The following SIK2 variants were observed in gnomAD, a reference collection of about 807,000 sequenced individuals.
SIK2 encodes the protein salt inducible kinase 2.
Under a neutral mutation model 103.2 loss-of-function variants are expected in SIK2, and 29 were observed. The observed-to-expected ratio is 0.28, with a 90% confidence interval of 0.21 to 0.38. The LOEUF (loss-of-function observed/expected upper bound fraction) is 0.38. SIK2 is among the 10% of genes least tolerant of loss of function. SIK2 has a pLI of 1.00. For synonymous variants in SIK2, 412 were observed against 446.1 expected (o/e 0.92, Z 0.96); for missense variants, 879 against 1,171.0 (o/e 0.75, Z 3.64).
chr11:111,634,866 G>A (rs926872406), intron 3 of SIK2, among the ~76,000 whole-genome samples: 18 of 152,214 alleles, frequency 1.2e-4, no homozygotes, highest in African/African-American at 4.1e-4. Context: ...TGCTTCACAT[G>A]TGTGAGGATG....
intron 13 of SIK2, 40 bp downstream of exon 13, chr11:111,721,980 T>C: frequency 6.9e-7 from 1 of 1,456,252 alleles, no homozygotes; most frequent in Non-Finnish European, 9.3e-7. Flanking sequence ...ACTCTGCTCA[T>C]CCAGAATCTG....
Position 111,637,523 on chromosome 11 carries a change from A to G in SIK2, c.316+17121A>G, listed in dbSNP as rs183276824. On this transcript the variant is annotated intron_variant, in intron 3 of 14. Coordinates refer to ENST00000304987, the MANE Select transcript of SIK2 (RefSeq NM_015191.3). The stretch of plus-strand genomic sequence containing the variant: ...CACCCAGGCTGGAGTGCGGTGGCAC[A>G]ATCTTGGCTCATTGCAACCTCTGCC... 1.6e-3 allele frequency among the ~76,000 whole-genome samples: 241 copies of G among 147,560 alleles called. 3 individuals carry two copies. Among genetic ancestry groups the G allele is most frequent in the African/African-American group, 5.7e-3 (223 of 39,246 alleles).
intron 3 of SIK2, among the ~76,000 whole-genome samples, chr11:111,664,873 C>T (rs187053879): frequency 3.4e-4 from 51 of 152,230 alleles, no homozygotes; most frequent in Admixed American, 2.6e-4. Flanking sequence ...TTTTCCTTTT[C>T]CCCTATTAGC....
At chr11:111,664,463 A>G (rs1161079719) in intron 3 of SIK2, among the ~76,000 whole-genome samples, 2 of 152,156 alleles carry the variant, frequency 1.3e-5, no homozygotes, top group Admixed American at 6.5e-5. Context: ...TCAAAATACA[A>G]AAATTAGCTG....
chr11:111,723,935 A>T lies in SIK2; in HGVS notation c.2587A>T (p.Thr863Ser), dbSNP rs766208853. Residue 863 changes from threonine to serine, a missense_variant, in exon 15 of 15, where the codon ACT becomes TCT. Physicochemically the swap from Thr to Ser is moderately conservative, Grantham distance 58 (BLOSUM62 1). Transcript: ENST00000304987. The part of the protein sequence containing the change: ...SAASPAPDYP[T>S]PCQYPVDGAQ... ...TGCTTCCCCTGCGCCAGACTATCCC[A>T]CTCCCTGTCAGTATCCTGTGGATGG... 1 of 1,611,610 alleles carries T rather than the reference A, an allele frequency of 6.2e-7. No homozygotes were observed. The highest frequency in any genetic ancestry group is 2.2e-5 in the East Asian group (1 of 44,782).
At chr11:111,616,684 A>G (rs1285457096) in intron 2 of SIK2, among the ~76,000 whole-genome samples, 1 of 152,092 alleles carries the variant, frequency 6.6e-6, no homozygotes, top group Non-Finnish European at 1.5e-5. Context: ...CAAAAAATAT[A>G]TATATACAAA....
chr11:111,719,637 T>C, intron 9 of SIK2, 138 bp from the exon 10 acceptor site: 1 of 836,870 alleles, frequency 1.2e-6, no homozygotes, highest in East Asian at 2.7e-5. Flanking sequence ...CTATGTGTTG[T>C]CATGCATAAT....
chr11:111,638,116 C>G lies in SIK2; in HGVS notation c.316+17714C>G, dbSNP rs73560635. The stretch of plus-strand genomic sequence containing the variant: ...TCTTTACACTTGAGTTGATGGATTA[C>G]CAAGAGAAGATTCTTTGTCTTCTAC... On this transcript the variant is annotated intron_variant, in intron 3 of 14. Transcript: ENST00000304987. 9.3e-3 allele frequency among the ~76,000 whole-genome samples: 1,410 copies of G among 152,236 alleles called. 33 individuals carry two copies. Among genetic ancestry groups the G allele is most frequent in the African/African-American group, 0.032 (1,324 of 41,524 alleles).
intron 3 of SIK2, among the ~76,000 whole-genome samples, chr11:111,686,160 G>A (rs1565354307): frequency 1.3e-5 from 2 of 152,136 alleles, no homozygotes; most frequent in South Asian, 2.1e-4. Flanking sequence ...TAGTAAGTAG[G>A]CCAGGCATGG....
At chr11:111,711,893 G>C (rs913253017) in intron 8 of SIK2, among the ~76,000 whole-genome samples, 5 of 152,232 alleles carry the variant, frequency 3.3e-5, no homozygotes, top group Admixed American at 3.3e-4. Flanking sequence ...AGACAAATAT[G>C]TTTGTTGAAT....
At chr11:111,621,956 C>T (rs1941892873) in intron 3 of SIK2, among the ~76,000 whole-genome samples, 1 of 150,386 alleles carries the variant, frequency 6.6e-6, no homozygotes, top group Non-Finnish European at 1.5e-5. Context: ...TCTCTTTTGC[C>T]CCTCCTGGCC....
At chr11:111,612,459 C>G (rs1941739479) in intron 1 of SIK2, among the ~76,000 whole-genome samples, 1 of 152,154 alleles carries the variant, frequency 6.6e-6, no homozygotes, top group Non-Finnish European at 1.5e-5. Flanking sequence ...ATTGAAAACT[C>G]TGCTGTTTCC....
intron 3 of SIK2, chr11:111,671,796 T>C: frequency 2.4e-6 from 1 of 414,080 alleles, no homozygotes; most frequent in Non-Finnish European, 4.7e-6. Flanking sequence ...ACATCCTTCT[T>C]GATGAAGACA....
Position 111,725,428 on chromosome 11 carries a change from C to CACTT in SIK2, c.*1302_*1305dup, listed in dbSNP as rs1454838459. The CACTT allele has an allele frequency of 6.6e-6, 1 of 152,564 alleles. No individual in the cohort carries two copies. Among genetic ancestry groups the CACTT allele is most frequent in the African/African-American group, 2.4e-5 (1 of 41,458 alleles). 9.5% of individuals were successfully genotyped at this position (152,564 alleles called of 1,614,324 possible). A position where few individuals can be genotyped will look rare whatever the true frequency, so the allele number is the denominator to read the frequency against. ...TATATTACTAATAAAACTTAACCAA[C>CACTT]ACTTACAATTCAGTCATCAAAGTAA... On this transcript the variant is annotated 3_prime_UTR_variant, in exon 15 of 15. Coordinates refer to ENST00000304987, the MANE Select transcript of SIK2 (RefSeq NM_015191.3).
rs1049178372 is a variant in SIK2, at chr11:111,724,088, G to A, written c.2740G>A (p.Ala914Thr). Residue 914 changes from alanine (A) to threonine (T), a missense_variant, in exon 15 of 15, where the codon GCT (alanine) becomes ACT (threonine). Transcript: ENST00000304987. Reference protein sequence around the residue: ...PGLFDCEMLDAVDPQHNGYVL... With the variant: ...PGLFDCEMLDTVDPQHNGYVL... The stretch of plus-strand genomic sequence containing the variant: ...ACTCTTTGATTGTGAAATGCTAGAC[G>A]CTGTGGATCCACAACACAACGGGTA... The A allele has an allele frequency of 3.1e-6, 5 of 1,613,008 alleles. No homozygotes were observed. The highest frequency in any genetic ancestry group is 4.2e-6 in the Non-Finnish European group (5 of 1,180,018).
intron 3 of SIK2, among the ~76,000 whole-genome samples, chr11:111,678,553 TA>T (rs1258531736): frequency 6.6e-6 from 1 of 152,232 alleles, no homozygotes; most frequent in Non-Finnish European, 1.5e-5. Flanking sequence ...TAACTGATTT[TA>T]TTCTCATTGA....
rs762577950 is a variant in SIK2, at chr11:111,720,996, G to A, written c.1878G>A (p.Pro626=). The A allele has an allele frequency of 3.7e-5, 59 of 1,614,038 alleles. No homozygotes were observed. The highest frequency in any genetic ancestry group is 6.7e-5 in the Admixed American group (4 of 59,996). The change falls in exon 12 of 15, where the codon CCG becomes CCA. Residue 626 remains proline, a synonymous_variant. Transcript: ENST00000304987. Reference sequence around the variant, plus strand: ...AGTTGTTGTATGAACAAATAGGACCGGAGGCAGACCCTAACCTGGCGCCGG... The same window carrying A: ...AGTTGTTGTATGAACAAATAGGACCAGAGGCAGACCCTAACCTGGCGCCGG... ...KVQLLYEQIG[P]EADPNLAPAA...
In SIK2 at chr11:111,705,797, A is replaced by C. The variant is rs562893052; in HGVS notation, c.1101+658A>C. Among the ~76,000 whole-genome samples the C allele has an allele frequency of 1.3e-5, 2 of 152,374 alleles. No individual in the cohort carries two copies. The highest frequency in any genetic ancestry group is 4.1e-4 in the South Asian group (2 of 4,832). On this transcript the variant is annotated intron_variant, in intron 8 of 14. Coordinates refer to ENST00000304987, the MANE Select transcript of SIK2 (RefSeq NM_015191.3). The surrounding 1 kb of genome is among the most constrained non-coding windows in gnomAD (Gnocchi z 4.3). Reference sequence around the variant, plus strand: ...AATGATAAAATTCTATCGATGCTTTAAGCTAATTAATCTGGTAGCATTATG... The same window carrying C: ...AATGATAAAATTCTATCGATGCTTTCAGCTAATTAATCTGGTAGCATTATG...
At chr11:111,646,824 C>T (rs1490168355) in intron 3 of SIK2, among the ~76,000 whole-genome samples, 1 of 152,166 alleles carries the variant, frequency 6.6e-6, no homozygotes, top group Non-Finnish European at 1.5e-5. Context: ...GTTGTTGTCT[C>T]TTGTGTGCAT....
Sources: allele counts gnomAD v4.1 joint callset (sites outside exome capture counted in the v4.1 genomes callset), GRCh38; gene constraint gnomAD v4.1.1; non-coding constraint Gnocchi (gnomAD v3.1); transcripts MANE v1.5; gene names NCBI Gene and HGNC (gene_info 2026-07-23, HGNC 2026-07-21).